SMARCD2: variants seen among roughly 807,000 people sequenced by gnomAD.
The protein encoded by SMARCD2 is SWI/SNF-related matrix-associated actin-dependent regulator of chromatin subfamily D member 2.
In SMARCD2, 39 loss-of-function variants were observed where a neutral mutation model predicts 70.4. That is an observed-to-expected ratio of 0.55 (90% CI 0.43 to 0.72). The LOEUF (loss-of-function observed/expected upper bound fraction) is 0.72. SMARCD2 is among the 30% of genes least tolerant of loss of function. SMARCD2 has a pLI of 0.00. For synonymous variants in SMARCD2, 249 were observed against 279.4 expected (o/e 0.89, Z 1.08); for missense variants, 540 against 713.4 (o/e 0.76, Z 2.77).
chr17:63,834,040 G>A lies in SMARCD2; in HGVS notation c.1084-34C>T. On this transcript the variant is annotated intron_variant, in intron 8 of 12. Transcript: ENST00000448276. This position sits in a 1 kb window ranked among gnomAD's most constrained non-coding sequence, Gnocchi z 5.6. Reference sequence around the variant, plus strand: ...AATACGAAAGGCTCAGCGTTGGCTTGTGGGCACAGTGGAGTGGACCATTCC... The same window carrying A: ...AATACGAAAGGCTCAGCGTTGGCTTATGGGCACAGTGGAGTGGACCATTCC... The A allele has an allele frequency of 1.3e-6, 2 of 1,599,372 alleles. No individual in the cohort carries two copies. The highest frequency in any genetic ancestry group is 1.1e-5 in the South Asian group (1 of 90,730).
chr17:63,837,003 G>A lies in SMARCD2; in HGVS notation c.486C>T (p.Leu162=), dbSNP rs1378092208. The A allele has an allele frequency of 2.5e-6, 4 of 1,613,878 alleles. No individual in the cohort carries two copies. Among genetic ancestry groups the A allele is most frequent in the Non-Finnish European group, 3.4e-6 (4 of 1,179,840 alleles). Residue 162 remains leucine (L), a synonymous_variant, in exon 4 of 13, where the codon CTC becomes CTT. Coordinates refer to ENST00000448276, the MANE Select transcript of SMARCD2 (RefSeq NM_001098426.2). The surrounding 1 kb of genome is among the most constrained non-coding windows in gnomAD (Gnocchi z 6.4). The part of the protein sequence containing the change: ...LVPESQAYMD[L]LAFERKLDQT... ...GGTCCAGCTTCCGCTCAAAAGCCAA[G>A]AGATCCATGTACGCCTGAGACTCTG... is the stretch of plus-strand genomic sequence containing the variant.
At position 63,833,044 on chromosome 17, in the gene SMARCD2, G is replaced by A; in HGVS notation, c.1542+25C>T. On this transcript the variant is annotated intron_variant, in intron 12 of 12. Transcript: ENST00000448276. This position sits in a 1 kb window ranked among gnomAD's most constrained non-coding sequence, Gnocchi z 4.3. ...AGGCCTTTGCTACTCACGGCCAAAG[G>A]AGGGAAAACAGGGCAGAGCCTCACC... 1 of 1,587,760 alleles carries A rather than the reference G, an allele frequency of 6.3e-7. No homozygotes were observed. Among genetic ancestry groups the A allele is most frequent in the Non-Finnish European group, 8.6e-7 (1 of 1,167,778 alleles).
Position 63,837,302 on chromosome 17 carries a change from G to A in SMARCD2, c.402-65C>T, listed in dbSNP as rs542593621. On this transcript the variant is annotated intron_variant, in intron 2 of 12. Coordinates refer to ENST00000448276, the MANE Select transcript of SMARCD2 (RefSeq NM_001098426.2). The surrounding 1 kb of genome is among the most constrained non-coding windows in gnomAD (Gnocchi z 6.4). ...AAAAAAGGACACTCACTCCCATAACGCCCCTCCAGTCTCCAGGACCCTCTC... is the reference window on the plus strand; with the variant it reads ...AAAAAAGGACACTCACTCCCATAACACCCCTCCAGTCTCCAGGACCCTCTC... The A allele has an allele frequency of 9.7e-6, 15 of 1,551,478 alleles. No homozygotes were observed. The highest frequency in any genetic ancestry group is 6.7e-5 in the South Asian group (6 of 89,770).
intron 5 of SMARCD2, 86 bp downstream of exon 5, chr17:63,835,326 C>T (rs2040251496): frequency 1.4e-6 from 2 of 1,393,738 alleles, no homozygotes; most frequent in African/African-American, 1.5e-5. Context: ...TCTGGCTCTG[C>T]TGCTCAGGCT....
chr17:63,839,906 A>G (rs1371941655), intron 1 of SMARCD2, among the ~76,000 whole-genome samples: 1 of 152,154 alleles, frequency 6.6e-6, no homozygotes, highest in African/African-American at 2.4e-5. Context: ...AGGCGGGTGG[A>G]TCACAAGGTC....
intron 1 of SMARCD2, chr17:63,838,671 C>G (rs898702230): frequency 6.9e-7 from 1 of 1,454,726 alleles, no homozygotes; most frequent in Non-Finnish European, 9.1e-7. Flanking sequence ...CACCCCCACC[C>G]GCCTCCCCAT....
In SMARCD2 at chr17:63,838,649, G is replaced by T. The variant is rs780259751; in HGVS notation, c.217-1024C>A. ...CCTGACATTTCTGTGGAGCCCATCT[G>T]GGAGTCACCTCCACCCCCACCCGCC... On this transcript the variant is annotated intron_variant, in intron 1 of 12. Transcript: ENST00000448276. 833 of 1,492,880 alleles carry T rather than the reference G, an allele frequency of 5.6e-4. No homozygotes were observed. Among genetic ancestry groups the T allele is most frequent in the Non-Finnish European group, 7.3e-4 (815 of 1,122,762 alleles). The allele number at this position is 1,492,880 out of a possible 1,614,324, so 92.5% of individuals were successfully genotyped here. A position where few individuals can be genotyped will look rare whatever the true frequency, so the allele number is the denominator to read the frequency against.
rs1393259842 is a variant in SMARCD2 at position 63,832,895 on chromosome 17, C to A, written c.*43G>T. 1.3e-6 allele frequency: 2 copies of A among 1,539,600 alleles called. No individual in the cohort carries two copies. The highest frequency in any genetic ancestry group is 2.7e-5 in the African/African-American group (2 of 72,780). ...CCCCAGCAAGGACCCAGAGGGTGGT[C>A]TCCCTCCAGGCTCCAGGGCTGGGAA... On this transcript the variant is annotated 3_prime_UTR_variant, in exon 13 of 13. Coordinates refer to ENST00000448276, the MANE Select transcript of SMARCD2 (RefSeq NM_001098426.2).
intron 4 of SMARCD2, among the ~76,000 whole-genome samples, chr17:63,836,238 T>G (rs1292779339): frequency 6.6e-6 from 1 of 151,246 alleles, no homozygotes; most frequent in Non-Finnish European, 1.5e-5. Context: ...AAGAAAAGCT[T>G]CTCGGCTGGG....
At chr17:63,842,367 C>G in intron 1 of SMARCD2, 92 bp downstream of exon 1, 1 of 1,228,096 alleles carries the variant, frequency 8.1e-7, no homozygotes, top group Non-Finnish European at 1.0e-6. Flanking sequence ...TCATGCATTC[C>G]CCAGGGCCCT....
At chr17:63,840,951 G>C (rs548495144) in intron 1 of SMARCD2, among the ~76,000 whole-genome samples, 1 of 152,344 alleles carries the variant, frequency 6.6e-6, no homozygotes, top group Admixed American at 6.5e-5. Flanking sequence ...CTCAGGGGCT[G>C]TCCCAAGGGC....
intron 1 of SMARCD2, among the ~76,000 whole-genome samples, chr17:63,841,693 C>G (rs1000291856): frequency 1.3e-5 from 2 of 152,366 alleles, no homozygotes; most frequent in South Asian, 2.1e-4. Context: ...TGAAGCAACT[C>G]TCGCAGACTC....
Position 63,837,407 on chromosome 17 carries a change from G to C in SMARCD2, c.401+34C>G. The C allele has an allele frequency of 1.3e-6, 2 of 1,566,740 alleles. No homozygotes were observed. Among genetic ancestry groups the C allele is most frequent in the Non-Finnish European group, 1.7e-6 (2 of 1,150,232 alleles). On this transcript the variant is annotated intron_variant, in intron 2 of 12. Coordinates refer to ENST00000448276, the MANE Select transcript of SMARCD2 (RefSeq NM_001098426.2). This position sits in a 1 kb window ranked among gnomAD's most constrained non-coding sequence, Gnocchi z 6.4. The stretch of plus-strand genomic sequence containing the variant: ...AACCCTCTGCTACCACCAGAGCTGA[G>C]TTAGGCAGAGTGAGAGAAGCAGGAT...
Position 63,834,270 on chromosome 17 carries a change from G to T in SMARCD2, c.980C>A (p.Thr327Lys). Residue 327 changes from threonine to lysine, a missense_variant, in exon 8 of 13, where the codon ACG becomes AAG. Physicochemically the swap from Thr to Lys is moderately conservative, Grantham distance 78 (BLOSUM62 -1). Coordinates refer to ENST00000448276, the MANE Select transcript of SMARCD2 (RefSeq NM_001098426.2). The surrounding 1 kb of genome is among the most constrained non-coding windows in gnomAD (Gnocchi z 5.6). The part of the protein sequence containing the change: ...LARLLGVHTQ[T>K]RAAIMQALWL... ...CAGGGCCTGCATGATGGCGGCCCTC[G>T]TCTGCGTGTGCACTCCCAGCAGCCT... The T allele has an allele frequency of 6.2e-7, 1 of 1,611,278 alleles. No homozygotes were observed. The highest frequency in any genetic ancestry group is 2.2e-5 in the East Asian group (1 of 44,842).
chr17:63,836,124 C>A (rs1279152658), intron 4 of SMARCD2, among the ~76,000 whole-genome samples: 1 of 152,142 alleles, frequency 6.6e-6, no homozygotes, highest in Non-Finnish European at 1.5e-5. Flanking sequence ...CGCAGCCAGT[C>A]TCTGGCTCAC....
At position 63,837,381 on chromosome 17, in the gene SMARCD2, A is replaced by T; in HGVS notation, c.401+60T>A. 8 of 1,551,364 alleles carry T rather than the reference A, an allele frequency of 5.2e-6. No homozygotes were observed. Among genetic ancestry groups the T allele is most frequent in the Non-Finnish European group, 7.1e-6 (8 of 1,129,428 alleles). ...TCACCAAAGCTCTTAAGATAGAAGG[A>T]AACCCTCTGCTACCACCAGAGCTGA... On this transcript the variant is annotated intron_variant, in intron 2 of 12. Coordinates refer to ENST00000448276, the MANE Select transcript of SMARCD2 (RefSeq NM_001098426.2). The surrounding 1 kb of genome is among the most constrained non-coding windows in gnomAD (Gnocchi z 6.4).
In SMARCD2 at chr17:63,834,815, G is replaced by A. The variant is rs765595422; in HGVS notation, c.724-15C>T. The A allele has an allele frequency of 1.9e-6, 3 of 1,560,616 alleles. No homozygotes were observed. The highest frequency in any genetic ancestry group is 2.7e-6 in the Non-Finnish European group (3 of 1,131,136). Reference sequence around the variant, plus strand: ...TGTTTGCTAGGCTGGGGATGGAAAGGGGTGTGAGATGGTGCTGCTGAGCTC... The same window carrying A: ...TGTTTGCTAGGCTGGGGATGGAAAGAGGTGTGAGATGGTGCTGCTGAGCTC... On this transcript the variant is annotated splice_polypyrimidine_tract_variant and intron_variant, in intron 5 of 12. Transcript: ENST00000448276. The surrounding 1 kb of genome is among the most constrained non-coding windows in gnomAD (Gnocchi z 5.6).
chr17:63,838,479 G>C lies in SMARCD2; in HGVS notation c.217-854C>G, dbSNP rs1763050583. Reference sequence around the variant, plus strand: ...CCAGGACTGGCTCTGGCTCCGTGTAGCCCTGGCAATCCCAAGCTGGAGAAG... The same window carrying C: ...CCAGGACTGGCTCTGGCTCCGTGTACCCCTGGCAATCCCAAGCTGGAGAAG... On this transcript the variant is annotated intron_variant, in intron 1 of 12. Transcript: ENST00000448276. The C allele has an allele frequency of 1.8e-5, 15 of 831,460 alleles. No individual in the cohort carries two copies. In the South Asian group the frequency reaches 4.7e-4, roughly 26 times the overall value. The allele number at this position is 831,460 out of a possible 1,614,324, so 51.5% of individuals were successfully genotyped here.
At position 63,833,625 on chromosome 17, in the gene SMARCD2, T is replaced by C; in HGVS notation, c.1279A>G (p.Thr427Ala). The change falls in exon 10 of 13, where the codon ACC (threonine) becomes GCC (alanine). Residue 427 changes from threonine (T) to alanine (A), a missense_variant. Physicochemically the swap from Thr to Ala is moderately conservative, Grantham distance 58 (BLOSUM62 0). Transcript: ENST00000448276. This position sits in a 1 kb window ranked among gnomAD's most constrained non-coding sequence, Gnocchi z 4.3. ...GAGGCGATCTCCTGCTGATTGGTGGTAGAGGCCAGAAAATTGCTCATTTGG... is the reference window on the plus strand; with the variant it reads ...GAGGCGATCTCCTGCTGATTGGTGGCAGAGGCCAGAAAATTGCTCATTTGG... ...KAQMSNFLASTTNQQEIASLD... is the reference protein window; with the variant it reads ...KAQMSNFLASATNQQEIASLD... 6.2e-7 allele frequency: 1 copy of C among 1,613,976 alleles called. No homozygotes were observed. The highest frequency in any genetic ancestry group is 2.2e-5 in the East Asian group (1 of 44,884).
Sources: gnomAD v4.1 joint callset for allele counts (sites outside exome capture counted in the v4.1 genomes callset) on GRCh38, gnomAD v4.1.1 for gene constraint, Gnocchi (gnomAD v3.1) non-coding constraint, MANE v1.5 for transcripts, NCBI Gene and HGNC (gene_info 2026-07-23, HGNC 2026-07-21) for gene names.